HECTD3: variants seen among roughly 807,000 people sequenced by gnomAD.
HECTD3 encodes the protein E3 ubiquitin-protein ligase HECTD3.
Under a neutral mutation model 109.3 loss-of-function variants are expected in HECTD3, and 72 were observed. The observed-to-expected ratio is 0.66, with a 90% confidence interval of 0.54 to 0.80. HECTD3 has a LOEUF of 0.80. Ranked by LOEUF, HECTD3 falls within the 30% of genes least tolerant of loss-of-function variation. HECTD3 has a pLI of 0.00. For missense variants in HECTD3, 1,041 were observed against 1,165.2 expected, an observed-to-expected ratio of 0.89 and a Z score of 1.55; for synonymous variants, 481 against 471.8, an observed-to-expected ratio of 1.02 and a Z score of -0.25.
chr1:45,005,833 C>T lies in HECTD3; in HGVS notation c.1896G>A (p.Val632=). Residue 632 remains valine (V), a synonymous_variant, in exon 15 of 21, where the codon GTG becomes GTA. Coordinates refer to ENST00000372172, the MANE Select transcript of HECTD3 (RefSeq NM_024602.6). ...CAGCTGGGAAGTCCTTGCTCCAGCT[C>T]ACCTCCTCACCAGAAAGCTGCTTCC... ...FVWKQLSGEE[V]SWSKDFPAVD... 1 of 1,608,384 alleles carries T rather than the reference C, an allele frequency of 6.2e-7. No homozygotes were observed. The highest frequency in any genetic ancestry group is 2.2e-5 in the East Asian group (1 of 44,868).
Position 45,004,309 on chromosome 1 carries a change from T to C in HECTD3, c.2211A>G (p.Gln737=). 4.3e-6 allele frequency: 7 copies of C among 1,613,980 alleles called. No individual in the cohort carries two copies. Among genetic ancestry groups the C allele is most frequent in the Non-Finnish European group, 4.2e-6 (5 of 1,179,874 alleles). Residue 737 remains glutamine, a synonymous_variant, in exon 17 of 21, where the codon CAA becomes CAG. Transcript: ENST00000372172. ...CCCCACACACTTTCTTCTCCAACTC[T>C]TGCCAGGTCAGCAAGTCCAGCACAG... ...PQAVLDLLTW[Q]ELEKKVCGDP... is the part of the protein sequence containing the mutation.
At chr1:45,008,367 T>G (rs774981559) in intron 8 of HECTD3, 46 bp from the exon 9 acceptor site, 31 of 1,550,446 alleles carry the variant, frequency 2.0e-5, no homozygotes, top group Non-Finnish European at 2.7e-5. Context: ...AGCATACCTG[T>G]AACACCCCCA....
At chr1:45,009,530 A>G (rs754280729) in intron 5 of HECTD3, 38 bp downstream of exon 5, 1 of 1,604,380 alleles carries the variant, frequency 6.2e-7, no homozygotes, top group South Asian at 1.1e-5. Flanking sequence ...CCACAGGGAC[A>G]TAGCCCACCC....
At position 45,010,670 on chromosome 1, in the gene HECTD3, G is replaced by A. The variant is rs761113883; in HGVS notation, c.406C>T (p.Gln136Ter). Residue 136 changes from glutamine to a stop codon, truncating the protein, a stop_gained, in exon 2 of 21, where the codon CAG (glutamine) becomes TAG (stop). Transcript: ENST00000372172. LOFTEE classifies it high-confidence loss of function. ...LAEHLGDCGL[Q>*]EGWLLVCRPA... ...CGGCACACCAGCAGCCAGCCTTCCT[G>A]CAGCCCGCAGTCGCCCAGGTGCTCT... The A allele has an allele frequency of 6.3e-7, 1 of 1,582,180 alleles. No individual in the cohort carries two copies. Among genetic ancestry groups the A allele is most frequent in the Non-Finnish European group, 8.6e-7 (1 of 1,168,458 alleles).
chr1:45,007,554 G>T lies in HECTD3; in HGVS notation c.1362C>A (p.Gly454=). ...QFLLLSRQRP[G]LVAQCLRDSE... ...AGTCACGCAGGCACTGAGCCACCAG[G>T]CCTGGCCGCTGGCGGGACAGCAGTA... Residue 454 remains glycine (G), a synonymous_variant, in exon 10 of 21, where the codon GGC becomes GGA. Transcript: ENST00000372172. 1 of 1,613,560 alleles carries T rather than the reference G, an allele frequency of 6.2e-7. No homozygotes were observed. Among genetic ancestry groups the T allele is most frequent in the Non-Finnish European group, 8.5e-7 (1 of 1,180,008 alleles).
At chr1:45,004,904 A>C in intron 15 of HECTD3, 98 bp from the exon 16 acceptor site, 1 of 1,066,048 alleles carries the variant, frequency 9.4e-7, no homozygotes, top group Non-Finnish European at 1.5e-6. Flanking sequence ...ACAGCCAGGC[A>C]AGGCAGTCCC....
intron 15 of HECTD3, chr1:45,005,579 A>G (rs1415481436): frequency 1.3e-5 from 6 of 457,154 alleles, no homozygotes; most frequent in Non-Finnish European, 2.3e-5. Context: ...CGTCGAGGGT[A>G]CAGATACATA....
chr1:45,008,993 G>A, intron 7 of HECTD3, 151 bp downstream of exon 7: 1 of 720,780 alleles, frequency 1.4e-6, no homozygotes, highest in Non-Finnish European at 2.4e-6. Context: ...TGTCCCAGCT[G>A]GCTCAGGCCC....
Position 45,008,327 on chromosome 1 carries a change from A to T in HECTD3, c.1239-6T>A, listed in dbSNP as rs1220689522. The T allele has an allele frequency of 6.2e-7, 1 of 1,611,398 alleles. No individual in the cohort carries two copies. The highest frequency in any genetic ancestry group is 2.2e-5 in the East Asian group (1 of 44,856). Reference sequence around the variant, plus strand: ...TATCGAGGATCTTGATGAATCTGGCATGGGTAGATAGACTGCAGCTAAAGA... The same window carrying T: ...TATCGAGGATCTTGATGAATCTGGCTTGGGTAGATAGACTGCAGCTAAAGA... On this transcript the variant is annotated splice_region_variant and splice_polypyrimidine_tract_variant and intron_variant, in intron 8 of 20. Coordinates refer to ENST00000372172, the MANE Select transcript of HECTD3 (RefSeq NM_024602.6).
At chr1:45,010,794 A>G (rs1157570933) in intron 1 of HECTD3, 88 bp from the exon 2 acceptor site, 49 of 1,512,558 alleles carry the variant, frequency 3.2e-5, no homozygotes, top group Non-Finnish European at 4.1e-5. Flanking sequence ...CGCCGAACGC[A>G]ATGCCAACTC....
At position 45,010,713 on chromosome 1, in the gene HECTD3, G is replaced by A. The variant is rs1383168471; in HGVS notation, c.370-7C>T. 3 of 1,539,448 alleles carry A rather than the reference G, an allele frequency of 1.9e-6. No individual in the cohort carries two copies. The highest frequency in any genetic ancestry group is 1.2e-5 in the South Asian group (1 of 83,246). ...GGTGCTCTGCCAGCTGCTCCTGCCG[G>A]GACGCGTAGGATGGGGACAGCCGTC... On this transcript the variant is annotated splice_region_variant and splice_polypyrimidine_tract_variant and intron_variant, in intron 1 of 20. Transcript: ENST00000372172.
Position 45,003,969 on chromosome 1 carries a change from A to C in HECTD3, c.2348-33T>G, listed in dbSNP as rs753022089. The C allele has an allele frequency of 1.2e-6, 2 of 1,613,042 alleles. No homozygotes were observed. Among genetic ancestry groups the C allele is most frequent in the East Asian group, 4.5e-5 (2 of 44,836 alleles). ...GAGAAGGAAATCAGTGCCTGCATGG[A>C]TGGTGAGGGAGGGTCTACAACTTCT... On this transcript the variant is annotated intron_variant, in intron 18 of 20. Transcript: ENST00000372172. The surrounding 1 kb of genome is among the most constrained non-coding windows in gnomAD (Gnocchi z 4.7).
chr1:45,009,747 TGGGCCA>T, intron 4 of HECTD3, 64 bp from the exon 5 acceptor site: 1 of 1,323,494 alleles, frequency 7.6e-7, no homozygotes, highest in Non-Finnish European at 1.1e-6. Context: ...GCTTGTGCTC[TGGGCCA>T]GGAGCACCAG....
chr1:45,004,868 C>T lies in HECTD3; in HGVS notation c.1936-62G>A. ...ACTGTGGAGATAGTCCCTGTCTTTC[C>T]ACAAGATGCTCACAGGGAAGCAGAG... On this transcript the variant is annotated intron_variant, in intron 15 of 20. Coordinates refer to ENST00000372172, the MANE Select transcript of HECTD3 (RefSeq NM_024602.6). 4 of 1,455,408 alleles carry T rather than the reference C, an allele frequency of 2.7e-6. No individual in the cohort carries two copies. The South Asian group carries it at 4.6e-5, about 17-fold the overall frequency. The allele number at this position is 1,455,408 out of a possible 1,614,324, so 90.2% of individuals were successfully genotyped here.
rs1644779556 is a variant in HECTD3, at chr1:45,010,529, TC to T, written c.530+16del. The stretch of plus-strand genomic sequence containing the variant: ...CCGGCCTTCTGACAGCCAGCCCCGC[TC>T]CTTCAAGTGCAGTACCTGAGCACCG... On this transcript the variant is annotated intron_variant, in intron 2 of 20. Coordinates refer to ENST00000372172, the MANE Select transcript of HECTD3 (RefSeq NM_024602.6). 1.2e-5 allele frequency: 20 copies of T among 1,613,094 alleles called. No individual in the cohort carries two copies. Among genetic ancestry groups the T allele is most frequent in the Non-Finnish European group, 1.6e-5 (19 of 1,179,852 alleles).
Position 45,010,944 on chromosome 1 carries a change from C to G in HECTD3, c.314G>C (p.Arg105Pro). ...SIELRRGACVRTTGEELCNGH... is the reference protein window; with the variant it reads ...SIELRRGACVPTTGEELCNGH... ...ATTGCACAGCTCCTCGCCCGTGGTG[C>G]GCACGCAGGCGCCGCGCCGGAGCTC... is the stretch of plus-strand genomic sequence containing the variant. Residue 105 changes from arginine (R) to proline (P), a missense_variant, in exon 1 of 21, where the codon CGC becomes CCC. By Grantham distance (103) the Arg-to-Pro change is moderately radical. This residue lies in a region of HECTD3 where 472 missense variants were observed against 449.9 expected (regional missense o/e 1.05). Transcript: ENST00000372172. 6.5e-7 allele frequency: 1 copy of G among 1,536,194 alleles called. No homozygotes were observed. The highest frequency in any genetic ancestry group is 8.7e-7 in the Non-Finnish European group (1 of 1,154,506).
Position 45,010,772 on chromosome 1 carries a change from C to T in HECTD3, c.370-66G>A, listed in dbSNP as rs538012727. 41 of 1,515,520 alleles carry T rather than the reference C, an allele frequency of 2.7e-5. No individual in the cohort carries two copies. The South Asian group carries it at 4.8e-4, about 18-fold the overall frequency. 93.9% of individuals were successfully genotyped at this position (1,515,520 alleles called of 1,614,324 possible). ...GCCCAGCCGCCTGTCGTGCCCAGCC[C>T]AGGGCAAAGGGCGCCGAACGCAATG... On this transcript the variant is annotated intron_variant, in intron 1 of 20. Transcript: ENST00000372172.
intron 2 of HECTD3, 28 bp downstream of exon 2, chr1:45,010,518 G>A: frequency 6.2e-7 from 1 of 1,612,558 alleles, no homozygotes; most frequent in Non-Finnish European, 8.5e-7. Flanking sequence ...CCTTCTGACA[G>A]CCAGCCCCGC....
In HECTD3 at chr1:45,011,012, G is replaced by A. The variant is rs771099833; in HGVS notation, c.246C>T (p.Pro82=). 4.9e-6 allele frequency: 7 copies of A among 1,438,954 alleles called. No individual in the cohort carries two copies. In the South Asian group the frequency reaches 7.1e-5, roughly 15 times the overall value. 89.1% of individuals were successfully genotyped at this position (1,438,954 alleles called of 1,614,324 possible). A position where few individuals can be genotyped will look rare whatever the true frequency, so the allele number is the denominator to read the frequency against. The part of the protein sequence containing the change: ...GLRVGAAGPA[P]GTGSGPLRAA... ...CGCGGAGGGGCCCGGAGCCGGTACC[G>A]GGGGCTGGGCCTGCGGCGCCCACAC... is the stretch of plus-strand genomic sequence containing the variant. Residue 82 remains proline (P), a synonymous_variant, in exon 1 of 21, where the codon CCC becomes CCT. Transcript: ENST00000372172.
Sources: allele counts gnomAD v4.1 joint callset, GRCh38; gene constraint gnomAD v4.1.1; regional missense constraint gnomAD v4.1.1; non-coding constraint Gnocchi (gnomAD v3.1); transcripts MANE v1.5; gene names NCBI Gene and HGNC (gene_info 2026-07-23, HGNC 2026-07-21).